FAM20C: variants seen among roughly 807,000 people sequenced by gnomAD.
FAM20C encodes extracellular serine/threonine protein kinase FAM20C.
In FAM20C, 40 loss-of-function variants were observed where a neutral mutation model predicts 51.5. The observed-to-expected ratio is 0.78, with a 90% CI of 0.60 to 1.01. The LOEUF (loss-of-function observed/expected upper bound fraction) is 1.01. Ranked by LOEUF, FAM20C falls within the 50% of genes least tolerant of loss-of-function variation. The pLI is 0.00. For synonymous variants in FAM20C, 406 were observed against 380.6 expected (o/e 1.07, Z -0.78); for missense variants, 861 against 844.7 (o/e 1.02, Z -0.24).
chr7:214,437 T>C (rs28611207), intron 3 of FAM20C, among the ~76,000 whole-genome samples: 2,931 of 152,374 alleles, frequency 0.019, 98 homozygotes, highest in African/African-American at 0.066. Context: ...CTTTTGTTAT[T>C]CTCGTGCTTT....
chr7:204,875 C>T (rs1052469381), intron 2 of FAM20C, among the ~76,000 whole-genome samples: 1 of 151,500 alleles, frequency 6.6e-6, no homozygotes, highest in African/African-American at 2.4e-5. Context: ...CTGTGTGGCT[C>T]TGGCCATGGT....
intron 3 of FAM20C, chr7:228,386 C>T (rs143198589): frequency 1.8e-5 from 8 of 445,058 alleles, no homozygotes; most frequent in Non-Finnish European, 3.6e-5. Context: ...CTGTCTCAGA[C>T]TGTGAGGACT....
chr7:222,868 C>T (rs1474608560), intron 3 of FAM20C, among the ~76,000 whole-genome samples: 1 of 69,640 alleles, frequency 1.4e-5, no homozygotes, highest in Admixed American at 1.2e-4. Flanking sequence ...GTGCACGTGT[C>T]GGTGTGCGTG....
chr7:213,875 G>T (rs1562374166), intron 3 of FAM20C, among the ~76,000 whole-genome samples: 1 of 152,094 alleles, frequency 6.6e-6, no homozygotes, highest in African/African-American at 2.4e-5. Flanking sequence ...GTGGAGGGGG[G>T]TTTTGTGGTG....
chr7:219,979 C>A (rs1787178880), intron 3 of FAM20C, among the ~76,000 whole-genome samples: 1 of 152,128 alleles, frequency 6.6e-6, no homozygotes, highest in African/African-American at 2.4e-5. Flanking sequence ...TGGACAAGGA[C>A]CCCTTTGTGT....
chr7:254,514 C>T (rs756999700), intron 5 of FAM20C, among the ~76,000 whole-genome samples: 12 of 152,228 alleles, frequency 7.9e-5, no homozygotes, highest in Non-Finnish European at 1.6e-4. Context: ...CGCCGTCGGC[C>T]GGGCCTCCAG....
chr7:229,253 G>A (rs886769607), intron 3 of FAM20C: 15 of 233,540 alleles, frequency 6.4e-5, no homozygotes, highest in Non-Finnish European at 1.3e-4. Context: ...CCTTTTCTGT[G>A]AGGAATGCAT....
At chr7:217,990 G>C (rs1490118659) in intron 3 of FAM20C, among the ~76,000 whole-genome samples, 1 of 152,156 alleles carries the variant, frequency 6.6e-6, no homozygotes, top group East Asian at 1.9e-4. Context: ...GCCGAGGGCT[G>C]CCCGTCCCCG....
chr7:198,495 G>C (rs1023756804), intron 2 of FAM20C, among the ~76,000 whole-genome samples: 1 of 152,232 alleles, frequency 6.6e-6, no homozygotes, highest in Non-Finnish European at 1.5e-5. Flanking sequence ...GTCGAGGCTA[G>C]TTAAAAGTCC....
At chr7:251,640 C>A (rs143027713) in intron 5 of FAM20C, among the ~76,000 whole-genome samples, 2 of 152,204 alleles carry the variant, frequency 1.3e-5, no homozygotes, top group Non-Finnish European at 2.9e-5. Flanking sequence ...CGGTGGTCAC[C>A]GGAGTGCCCC....
chr7:195,847 C>T (rs915277496), intron 2 of FAM20C, 115 bp downstream of exon 2: 43 of 1,047,500 alleles, frequency 4.1e-5, no homozygotes, highest in Non-Finnish European at 4.8e-5. Flanking sequence ...ATTACGGCAG[C>T]GTCACCTCCT....
rs1297906375 is a variant in FAM20C, at chr7:193,723, C to T, written c.524C>T (p.Pro175Leu). 5 of 1,547,244 alleles carry T rather than the reference C, an allele frequency of 3.2e-6. No homozygotes were observed. The South Asian group carries it at 4.8e-5, about 15-fold the overall frequency. The change falls in exon 1 of 10, where the codon CCG becomes CTG. Residue 175 changes from proline (P) to leucine (L), a missense_variant. Around this residue, in one of 3 missense-constraint regions of FAM20C, gnomAD observed 561 missense variants for 499.8 expected, o/e 1.12. Coordinates refer to ENST00000313766, the MANE Select transcript of FAM20C (RefSeq NM_020223.4). ...CACCCGCTTTACCGGGTGGCGGTTC[C>T]GCCGCTCACGGAGGAGGACGTCCTG... ...FEHPLYRVAV[P>L]PLTEEDVLFN...
In FAM20C at chr7:257,819, G is replaced by A. The variant is rs1255464745; in HGVS notation, c.1445+733G>A. On this transcript the variant is annotated intron_variant, in intron 8 of 9. Transcript: ENST00000313766. ...ATGGGCTGGGTGGACCCACTGCCCG[G>A]GGTGCTGGAGATGGGCAGGGTGGAC... is the stretch of plus-strand genomic sequence containing the variant. Among the ~76,000 whole-genome samples, 68 of 120,074 alleles carry A rather than the reference G, an allele frequency of 5.7e-4. 1 individual carries two copies. The highest frequency in any genetic ancestry group is 2.2e-3 in the African/African-American group (64 of 28,638). 78.8% of individuals were successfully genotyped at this position (120,074 alleles called of 152,430 possible).
intron 3 of FAM20C, among the ~76,000 whole-genome samples, chr7:243,944 A>AATAATAATAATAATTATTATT (rs771341264): frequency 1.5e-5 from 2 of 136,846 alleles, no homozygotes; most frequent in African/African-American, 5.5e-5. Flanking sequence ...TAATAATAAT[A>AATAATAATAATAATTATTATT]ATTATTATTA....
At chr7:228,853 A>G (rs1400188021) in intron 3 of FAM20C, 3 of 454,546 alleles carry the variant, frequency 6.6e-6, no homozygotes, top group Non-Finnish European at 1.3e-5. Context: ...GACCTGTAAC[A>G]ACTGCATGCT....
Position 246,668 on chromosome 7 carries a change from G to C in FAM20C, c.956+161G>C, listed in dbSNP as rs145237405. ...CCCCCCACCCCGAGTGCTGCCCTGAGCAGGGTCCTGTATGTCATCGTCACC... is the reference window on the plus strand; with the variant it reads ...CCCCCCACCCCGAGTGCTGCCCTGACCAGGGTCCTGTATGTCATCGTCACC... On this transcript the variant is annotated intron_variant, in intron 4 of 9. Coordinates refer to ENST00000313766, the MANE Select transcript of FAM20C (RefSeq NM_020223.4). Among the ~76,000 whole-genome samples the C allele has an allele frequency of 0.15, 19,602 of 134,096 alleles. 4,609 individuals are homozygous for C. Among genetic ancestry groups the C allele is most frequent in the African/African-American group, 0.49 (15,955 of 32,530 alleles). The allele number at this position is 134,096 out of a possible 152,430, so 88.0% of individuals were successfully genotyped here.
chr7:250,868 T>C (rs1788371583), intron 5 of FAM20C, among the ~76,000 whole-genome samples: 1 of 152,268 alleles, frequency 6.6e-6, no homozygotes, highest in African/African-American at 2.4e-5. Context: ...TTCCAAAGAC[T>C]GACATTCCCC....
chr7:247,639 T>TATCTAGAACAGCCTGAACACA (rs1788220822), intron 4 of FAM20C, among the ~76,000 whole-genome samples: 1 of 152,112 alleles, frequency 6.6e-6, no homozygotes, highest in African/African-American at 2.4e-5. Flanking sequence ...CCATTTCAGC[T>TATCTAGAACAGCCTGAACACA]ATCTAGAACA....
At chr7:226,704 T>C (rs1185194667) in intron 3 of FAM20C, among the ~76,000 whole-genome samples, 1 of 152,200 alleles carries the variant, frequency 6.6e-6, no homozygotes, top group Non-Finnish European at 1.5e-5. Flanking sequence ...CTTTGGCTTG[T>C]CCAGACACCC....
Sources: gnomAD v4.1 joint callset for allele counts (sites outside exome capture counted in the v4.1 genomes callset) on GRCh38, gnomAD v4.1.1 for gene constraint, gnomAD v4.1.1 regional missense constraint, MANE v1.5 for transcripts, NCBI Gene and HGNC (gene_info 2026-07-23, HGNC 2026-07-21) for gene names.